Variants in PTCHD4 observed in about 807,000 individuals in gnomAD.
PTCHD4 encodes the protein patched domain containing 4, also known as patched domain-containing protein 4.
Under a neutral mutation model 58.1 loss-of-function variants are expected in PTCHD4, and 33 were observed. That is an observed-to-expected ratio of 0.57 (90% CI 0.43 to 0.76). The LOEUF is 0.76. Among genes scored for constraint, PTCHD4 ranks in the 30% least tolerant of loss-of-function variants. The pLI is 0.00. For synonymous variants in PTCHD4, 478 were observed against 409.6 expected (o/e 1.17, Z -2.02); for missense variants, 1,058 against 1,027.1 (o/e 1.03, Z -0.41).
chr6:48,081,846 A>G (rs910396207), intron 1 of PTCHD4, among the ~76,000 whole-genome samples: 4 of 152,272 alleles, frequency 2.6e-5, no homozygotes, highest in Non-Finnish European at 4.4e-5. Context: ...ACAGTAGGCT[A>G]TTTACTTTGT....
chr6:47,871,270 A>G lies in PTCHD4; in HGVS notation c.*7033T>C, dbSNP rs1228381475. Among the ~76,000 whole-genome samples the G allele has an allele frequency of 6.6e-6, 1 of 151,676 alleles. No individual in the cohort carries two copies. The highest frequency in any genetic ancestry group is 2.4e-5 in the African/African-American group (1 of 41,380). ...AATAATAGCAATGCCTTCCAGAGGA[A>G]AAGAAAACTTAAGTAAAATGCCAAA... On this transcript the variant is annotated 3_prime_UTR_variant, in exon 5 of 5. Coordinates refer to ENST00000339488, the MANE Select transcript of PTCHD4 (RefSeq NM_001384253.1).
intron 4 of PTCHD4, among the ~76,000 whole-genome samples, chr6:47,892,849 C>T (rs1764420253): frequency 6.6e-6 from 1 of 152,134 alleles, no homozygotes; most frequent in African/African-American, 2.4e-5. Flanking sequence ...AAACATTCCA[C>T]AGCTGGATTT....
intron 4 of PTCHD4, among the ~76,000 whole-genome samples, chr6:48,005,761 G>T (rs1003432452): frequency 1.3e-5 from 2 of 152,146 alleles, no homozygotes; most frequent in African/African-American, 4.8e-5. Flanking sequence ...TTTTATAAAG[G>T]ATTAAATACT....
At chr6:47,957,738 C>G (rs564199305) in intron 4 of PTCHD4, among the ~76,000 whole-genome samples, 24 of 151,610 alleles carry the variant, frequency 1.6e-4, no homozygotes, top group African/African-American at 4.8e-4. Flanking sequence ...GTAGCTGGGA[C>G]TATAGGTGCC....
Position 47,878,054 on chromosome 6 carries a change from G to T in PTCHD4, c.*249C>A. The T allele has an allele frequency of 2.8e-6, 1 of 359,824 alleles. No individual in the cohort carries two copies. Among genetic ancestry groups the T allele is most frequent in the African/African-American group, 2.1e-5 (1 of 47,638 alleles). The allele number at this position is 359,824 out of a possible 1,614,324, so 22.3% of individuals were successfully genotyped here. On this transcript the variant is annotated 3_prime_UTR_variant, in exon 5 of 5. Transcript: ENST00000339488. ...ACTCCATTGATTCATCCATTCCTTG[G>T]AAGAGCTCTCAGATTACATCCAGAA...
At chr6:48,084,832 C>T (rs958698473) in intron 1 of PTCHD4, among the ~76,000 whole-genome samples, 10 of 151,528 alleles carry the variant, frequency 6.6e-5, no homozygotes, top group Non-Finnish European at 1.5e-4. Context: ...CAACCTCCAC[C>T]TCCCAGGTTC....
chr6:47,939,008 A>C (rs1288659195), intron 4 of PTCHD4, among the ~76,000 whole-genome samples: 2 of 152,156 alleles, frequency 1.3e-5, no homozygotes, highest in African/African-American at 2.4e-5. Context: ...TAGTGTTCAG[A>C]GAGGGAATGC....
rs977394934 is a variant in PTCHD4 at position 48,008,539 on chromosome 6, C to T, written c.898+95G>A. On this transcript the variant is annotated intron_variant, in intron 4 of 4. Transcript: ENST00000339488. Reference sequence around the variant, plus strand: ...ATGTAATGACATAGACACCCCAATGCAAAATTAAAACAGATTTCCACCTGA... The same window carrying T: ...ATGTAATGACATAGACACCCCAATGTAAAATTAAAACAGATTTCCACCTGA... The T allele has an allele frequency of 2.9e-6, 4 of 1,402,962 alleles. No homozygotes were observed. In the East Asian group the frequency reaches 9.8e-5, roughly 34 times the overall value. The allele number at this position is 1,402,962 out of a possible 1,614,324, so 86.9% of individuals were successfully genotyped here.
rs574514386 is a variant in PTCHD4, at chr6:47,926,708, A to G, written c.899-46772T>C. 4.6e-5 allele frequency among the ~76,000 whole-genome samples: 7 copies of G among 152,336 alleles called. No individual in the cohort carries two copies. The East Asian group carries it at 1.3e-3, about 29-fold the overall frequency. ...ATAGCCTGTAGTAGAAAGAACATAG[A>G]TCTGAATTTGAGTTTCAGCTACATT... is the stretch of plus-strand genomic sequence containing the variant. On this transcript the variant is annotated intron_variant, in intron 4 of 4. Transcript: ENST00000339488.
At chr6:48,073,127 A>G (rs1429179875) in intron 1 of PTCHD4, among the ~76,000 whole-genome samples, 1 of 152,228 alleles carries the variant, frequency 6.6e-6, no homozygotes, top group African/African-American at 2.4e-5. Flanking sequence ...CTGATTTAAA[A>G]TAGGGCTTAA....
intron 1 of PTCHD4, among the ~76,000 whole-genome samples, chr6:48,078,321 C>T (rs771633718): frequency 3.9e-5 from 6 of 152,132 alleles, no homozygotes; most frequent in Non-Finnish European, 7.3e-5. Flanking sequence ...TGGCCCACCA[C>T]TCAAGAACAC....
intron 1 of PTCHD4, among the ~76,000 whole-genome samples, chr6:48,110,464 G>A (rs1765841555): frequency 6.6e-6 from 1 of 151,912 alleles, no homozygotes; most frequent in African/African-American, 2.4e-5. Context: ...GGTTACAAAG[G>A]GTGAGGTGAG....
intron 1 of PTCHD4, among the ~76,000 whole-genome samples, chr6:48,108,529 C>T (rs1189989878): frequency 6.6e-6 from 1 of 151,844 alleles, no homozygotes; most frequent in East Asian, 1.9e-4. Context: ...GTGCAGCACA[C>T]CAACATGGCA....
At chr6:47,976,963 G>T (rs1581962590) in intron 4 of PTCHD4, among the ~76,000 whole-genome samples, 1 of 152,080 alleles carries the variant, frequency 6.6e-6, no homozygotes. Flanking sequence ...AGAAGATAAA[G>T]TAACATAACT....
intron 3 of PTCHD4, among the ~76,000 whole-genome samples, chr6:48,052,984 C>T (rs1015916113): frequency 3.9e-5 from 6 of 152,182 alleles, no homozygotes; most frequent in African/African-American, 1.2e-4. Flanking sequence ...ATTATGGCTT[C>T]GATGTAGCTG....
intron 4 of PTCHD4, among the ~76,000 whole-genome samples, chr6:47,990,603 A>G (rs1768247298): frequency 6.6e-6 from 1 of 152,144 alleles, no homozygotes; most frequent in African/African-American, 2.4e-5. Flanking sequence ...CCATATAAGA[A>G]GTACCTTTTC....
intron 4 of PTCHD4, 40 bp downstream of exon 4, chr6:48,008,594 A>G (rs1366956424): frequency 6.3e-7 from 1 of 1,588,426 alleles, no homozygotes; most frequent in Non-Finnish European, 8.6e-7. Context: ...CCTTGCCCCA[A>G]ACCGGTAAGA....
At chr6:47,965,517 A>C (rs1715436062) in intron 4 of PTCHD4, among the ~76,000 whole-genome samples, 1 of 152,216 alleles carries the variant, frequency 6.6e-6, no homozygotes, top group African/African-American at 2.4e-5. Flanking sequence ...TAATGAAAGA[A>C]ATTTTTAAAA....
chr6:48,105,602 A>C lies in PTCHD4; in HGVS notation c.-970+5447T>G, dbSNP rs545598849. On this transcript the variant is annotated intron_variant, in intron 1 of 4. Coordinates refer to ENST00000339488, the MANE Select transcript of PTCHD4 (RefSeq NM_001384253.1). ...GAAGGCAAGAAATAACTAAGATCAGAGCAGAACTGAAGGAAATAGAGACAA... is the reference window on the plus strand; with the variant it reads ...GAAGGCAAGAAATAACTAAGATCAGCGCAGAACTGAAGGAAATAGAGACAA... 9.2e-5 allele frequency among the ~76,000 whole-genome samples: 14 copies of C among 152,328 alleles called. No homozygotes were observed. In the East Asian group the frequency reaches 2.1e-3, roughly 23 times the overall value.
Sources: allele counts gnomAD v4.1 joint callset (sites outside exome capture counted in the v4.1 genomes callset), GRCh38; gene constraint gnomAD v4.1.1; transcripts MANE v1.5; gene names NCBI Gene and HGNC (gene_info 2026-07-23, HGNC 2026-07-21).